Variants in HACL2 observed in about 807,000 individuals in gnomAD.
HACL2 encodes the protein 2-hydroxyacyl-CoA lyase 1 like.
chr19:15,115,657 G>T, the HACL2 span: 1 of 1,613,732 alleles, frequency 6.2e-7, no homozygotes, highest in Non-Finnish European at 8.5e-7. Context: ...TCCCTACCAA[G>T]GCCATCACTG....
the HACL2 span, chr19:15,119,363 C>CCCGAGGA: frequency 1.2e-6 from 2 of 1,610,478 alleles, no homozygotes; most frequent in Admixed American, 1.7e-5. Flanking sequence ...CCCAAGAGCA[C>CCCGAGGA]CCGAGGACTG....
the HACL2 span, among the ~76,000 whole-genome samples, chr19:15,122,344 G>A: frequency 3.3e-5 from 5 of 152,074 alleles, no homozygotes; most frequent in Middle Eastern, 3.2e-3. This position sits in a 1 kb window ranked among gnomAD's most constrained non-coding sequence, Gnocchi z 4.0. Context: ...CGGAGAGGAC[G>A]ATGGGAAAGG....
the HACL2 span, chr19:15,123,927 G>T: frequency 1.1e-3 from 331 of 290,596 alleles, 1 homozygote; most frequent in Non-Finnish European, 1.6e-3. The surrounding 1 kb of genome is among the most constrained non-coding windows in gnomAD (Gnocchi z 5.1). Flanking sequence ...ATATAACCCA[G>T]GGGGTTTGGC....
the HACL2 span, among the ~76,000 whole-genome samples, chr19:15,120,255 G>C: frequency 2.0e-5 from 3 of 152,132 alleles, no homozygotes; most frequent in Non-Finnish European, 4.4e-5. Context: ...GTCTTCAACT[G>C]CCTGTTTGCC....
the HACL2 span, chr19:15,119,947 G>T: frequency 7.0e-7 from 1 of 1,432,500 alleles, no homozygotes; most frequent in Non-Finnish European, 9.6e-7. Context: ...CAGGGAGAGG[G>T]TAGGGTCCTC....
chr19:15,120,431 T>TGA, the HACL2 span, among the ~76,000 whole-genome samples: 1 of 152,342 alleles, frequency 6.6e-6, no homozygotes, highest in East Asian at 1.9e-4. Flanking sequence ...TTCACCCTTC[T>TGA]GAGCTTCCAC....
the HACL2 span, chr19:15,123,227 C>A: frequency 6.2e-7 from 1 of 1,613,744 alleles, no homozygotes; most frequent in South Asian, 1.1e-5. This position sits in a 1 kb window ranked among gnomAD's most constrained non-coding sequence, Gnocchi z 5.1. Context: ...CTGTCACTGC[C>A]GCCACGCCCA....
chr19:15,125,286 G>A, the HACL2 span: 1 of 572,420 alleles, frequency 1.7e-6, no homozygotes, highest in Non-Finnish European at 3.1e-6. Context: ...CGCGGGGCTA[G>A]CCCCAGTCCT....
the HACL2 span, among the ~76,000 whole-genome samples, chr19:15,120,748 G>A: frequency 2.0e-5 from 3 of 152,166 alleles, no homozygotes; most frequent in East Asian, 1.9e-4. Context: ...TGCTTTCACC[G>A]TTAAGGACAG....
the HACL2 span, chr19:15,115,661 A>G: frequency 1.9e-6 from 3 of 1,613,618 alleles, no homozygotes; most frequent in Non-Finnish European, 1.7e-6. Context: ...TACCAAGGCC[A>G]TCACTGGGAT....
chr19:15,125,315 C>A, the HACL2 span: 1 of 519,196 alleles, frequency 1.9e-6, no homozygotes, highest in Non-Finnish European at 3.4e-6. Flanking sequence ...CCACCACTCC[C>A]ACCCAAACTA....
At chr19:15,115,579 G>A in the HACL2 span, 22 of 1,613,024 alleles carry the variant, frequency 1.4e-5, no homozygotes, top group Middle Eastern at 4.9e-4. Context: ...TGTAGGCCAG[G>A]CCACAGGCCA....
At chr19:15,120,913 T>C in the HACL2 span, among the ~76,000 whole-genome samples, 4 of 151,630 alleles carry the variant, frequency 2.6e-5, no homozygotes, top group South Asian at 2.1e-4. Flanking sequence ...GCCTGGGTGA[T>C]AGAGTGAGGC....
At chr19:15,124,960 G>A in the HACL2 span, 15 of 1,608,176 alleles carry the variant, frequency 9.3e-6, no homozygotes, top group Non-Finnish European at 1.3e-5. Flanking sequence ...CCCAGGCGGT[G>A]AGCGGCGCCC....
the HACL2 span, chr19:15,119,372 T>G: frequency 6.2e-7 from 1 of 1,612,250 alleles, no homozygotes; most frequent in East Asian, 2.2e-5. Flanking sequence ...ACCCGAGGAC[T>G]GGGGACTGGG....
At chr19:15,124,946 G>T in the HACL2 span, 2 of 1,607,668 alleles carry the variant, frequency 1.2e-6, no homozygotes, top group Non-Finnish European at 8.5e-7. Context: ...GCTGATAGAA[G>T]AGCCCCAGGC....
chr19:15,124,817 G>A, the HACL2 span: 1 of 1,429,946 alleles, frequency 7.0e-7, no homozygotes, highest in Non-Finnish European at 9.5e-7. Context: ...CTCTGGACTA[G>A]TCGGGGCTCG....
At chr19:15,120,607 G>A in the HACL2 span, among the ~76,000 whole-genome samples, 1 of 152,180 alleles carries the variant, frequency 6.6e-6, no homozygotes, top group Admixed American at 6.5e-5. Context: ...TTTCCTGAAG[G>A]ACCTGTGCAG....
At chr19:15,115,175 A>G in the HACL2 span, 1 of 1,552,938 alleles carries the variant, frequency 6.4e-7, no homozygotes, top group Admixed American at 1.7e-5. Flanking sequence ...GCCCAGGGCA[A>G]GCAATGATGA....
Sources: allele counts gnomAD v4.1 joint callset (sites outside exome capture counted in the v4.1 genomes callset), GRCh38; gene constraint gnomAD v4.1.1; non-coding constraint Gnocchi (gnomAD v3.1); transcripts MANE v1.5; gene names NCBI Gene and HGNC (gene_info 2026-07-23, HGNC 2026-07-21).